The following CTXND1 variants were observed in gnomAD, a reference collection of about 807,000 sequenced individuals.
CTXND1 encodes cortexin domain-containing 1 protein.
chr15:80,247,288 G>C (rs1428561715), intron 1 of CTXND1, among the ~76,000 whole-genome samples: 1 of 152,126 alleles, frequency 6.6e-6, no homozygotes, highest in African/African-American at 2.4e-5. Context: ...ACGTGTAGGA[G>C]CTTCCTCAAA....
intron 1 of CTXND1, among the ~76,000 whole-genome samples, chr15:80,239,788 G>A (rs183120193): frequency 3.3e-3 from 495 of 152,192 alleles, no homozygotes; most frequent in Middle Eastern, 0.01. Flanking sequence ...AGCATTCAAG[G>A]ATCACCATGC....
chr15:80,219,437 AC>A (rs1455213899), intron 1 of CTXND1, among the ~76,000 whole-genome samples: 3 of 152,120 alleles, frequency 2.0e-5, no homozygotes, highest in Non-Finnish European at 4.4e-5. Flanking sequence ...TTCTTCTCCA[AC>A]TAATGGGCTT....
intron 1 of CTXND1, among the ~76,000 whole-genome samples, chr15:80,204,673 A>ATATATATATATATATATATATATATATAT (rs1893129743): frequency 8.0e-6 from 1 of 125,128 alleles, no homozygotes; most frequent in African/African-American, 3.7e-5. Context: ...ATATATATAT[A>ATATATATATATATATATATATATATATAT]CCACATTTTG....
At chr15:80,233,816 C>A (rs1334083808) in intron 1 of CTXND1, among the ~76,000 whole-genome samples, 1 of 152,186 alleles carries the variant, frequency 6.6e-6, no homozygotes, top group Non-Finnish European at 1.5e-5. Context: ...AGTGGCTGTG[C>A]GCATCTGAAT....
chr15:80,248,706 C>T (rs374963741), intron 1 of CTXND1, among the ~76,000 whole-genome samples: 5 of 152,218 alleles, frequency 3.3e-5, no homozygotes, highest in East Asian at 3.9e-4. Flanking sequence ...CCAGGGTAGC[C>T]GGAGGGAACT....
intron 1 of CTXND1, among the ~76,000 whole-genome samples, chr15:80,204,647 GTATATATATATA>G (rs35359063): frequency 4.0e-4 from 52 of 131,342 alleles, no homozygotes; most frequent in Non-Finnish European, 6.0e-4. Context: ...ATATTCCATT[GTATATATATATA>G]TATATATATA....
rs1453013148 is a variant in CTXND1 at position 80,199,620 on chromosome 15, G to GC, written c.*2149dup. On this transcript the variant is annotated 3_prime_UTR_variant, in exon 3 of 3. Transcript: ENST00000560778. ...CTTTAGATCCTCCCCATCATACAGG[G>GC]CCTTCCCTGCATCTTGGTTCACTGC... 1 of 152,332 alleles carries GC rather than the reference G, an allele frequency of 6.6e-6. No individual in the cohort carries two copies. The highest frequency in any genetic ancestry group is 1.5e-5 in the Non-Finnish European group (1 of 68,156). 9.4% of individuals were successfully genotyped at this position (152,332 alleles called of 1,614,324 possible). A position where few individuals can be genotyped will look rare whatever the true frequency, so the allele number is the denominator to read the frequency against.
At chr15:80,204,669 ATAT>A (rs1567127825) in intron 1 of CTXND1, among the ~76,000 whole-genome samples, 2 of 135,666 alleles carry the variant, frequency 1.5e-5, no homozygotes, top group Non-Finnish European at 3.1e-5. Context: ...ATATATATAT[ATAT>A]ACCACATTTT....
intron 1 of CTXND1, among the ~76,000 whole-genome samples, chr15:80,248,591 A>C (rs1893660385): frequency 6.6e-6 from 1 of 152,190 alleles, no homozygotes; most frequent in Non-Finnish European, 1.5e-5. Flanking sequence ...GAATATCATA[A>C]TTGATTAGCA....
chr15:80,241,871 C>T (rs927952218), intron 1 of CTXND1, among the ~76,000 whole-genome samples: 2 of 152,222 alleles, frequency 1.3e-5, no homozygotes, highest in Non-Finnish European at 2.9e-5. Flanking sequence ...CTTCCCATCC[C>T]ACCCATAGAA....
At chr15:80,204,874 G>T (rs1025690313) in intron 1 of CTXND1, among the ~76,000 whole-genome samples, 3 of 151,984 alleles carry the variant, frequency 2.0e-5, no homozygotes, top group African/African-American at 7.3e-5. Flanking sequence ...GGATTAAATT[G>T]AACATTTTGC....
chr15:80,202,113 TGCACCGAGA>T, intron 2 of CTXND1, 99 bp from the exon 3 acceptor site: 1 of 395,076 alleles, frequency 2.5e-6, no homozygotes, highest in Non-Finnish European at 4.5e-6. Flanking sequence ...CTGCTACCCC[TGCACCGAGA>T]GCTTGCTGCT....
At chr15:80,235,951 G>A (rs1253406747) in intron 1 of CTXND1, among the ~76,000 whole-genome samples, 1 of 149,212 alleles carries the variant, frequency 6.7e-6, no homozygotes, top group Admixed American at 6.8e-5. Flanking sequence ...CGGGTTCCTA[G>A]TCAGCACTAC....
chr15:80,237,447 T>C (rs1050232365), intron 1 of CTXND1, among the ~76,000 whole-genome samples: 1 of 152,052 alleles, frequency 6.6e-6, no homozygotes, highest in African/African-American at 2.4e-5. Flanking sequence ...TCTTAGGAGA[T>C]GGCAGCTCCA....
chr15:80,230,108 C>A (rs1463914344), intron 1 of CTXND1, among the ~76,000 whole-genome samples: 1 of 152,124 alleles, frequency 6.6e-6, no homozygotes, highest in Non-Finnish European at 1.5e-5. Context: ...TAGACATTCC[C>A]CAAATTAATT....
chr15:80,199,034 A>G lies in CTXND1; in HGVS notation c.*2736T>C, dbSNP rs1841890017. 6.6e-6 allele frequency: 1 copy of G among 152,218 alleles called. No homozygotes were observed. 9.4% of individuals were successfully genotyped at this position (152,218 alleles called of 1,614,324 possible). On this transcript the variant is annotated 3_prime_UTR_variant, in exon 3 of 3. Transcript: ENST00000560778. ...GAAGGGAATATATGGACACAAAATG[A>G]AAATTGCTGTTTTTTGGAGGCTTGG... is the stretch of plus-strand genomic sequence containing the variant.
chr15:80,249,222 A>C (rs1893667121), intron 1 of CTXND1, among the ~76,000 whole-genome samples: 1 of 152,142 alleles, frequency 6.6e-6, no homozygotes, highest in African/African-American at 2.4e-5. Context: ...GAAAGTGCTG[A>C]GCCACTGTGC....
rs147571034 is a variant in CTXND1 at position 80,243,786 on chromosome 15, G to A, written c.-218+8221C>T. Among the ~76,000 whole-genome samples the A allele has an allele frequency of 2.5e-3, 388 of 152,266 alleles. 1 individual carries two copies. Among genetic ancestry groups the A allele is most frequent in the African/African-American group, 8.9e-3 (368 of 41,556 alleles). ...CACAGTGAGATGAGTCCCTTCAGTC[G>A]TTGAGTCTCTGTACCCTTCTCATGA... On this transcript the variant is annotated intron_variant, in intron 1 of 2. Coordinates refer to ENST00000560778, the MANE Select transcript of CTXND1 (RefSeq NM_001352888.2).
At chr15:80,212,839 A>T (rs1307457342) in intron 1 of CTXND1, among the ~76,000 whole-genome samples, 1 of 152,240 alleles carries the variant, frequency 6.6e-6, no homozygotes, top group East Asian at 1.9e-4. Context: ...ACATACTGAT[A>T]AAACTAACCA....
Sources: gnomAD v4.1 joint callset for allele counts (sites outside exome capture counted in the v4.1 genomes callset) on GRCh38, gnomAD v4.1.1 for gene constraint, MANE v1.5 for transcripts, NCBI Gene and HGNC (gene_info 2026-07-23, HGNC 2026-07-21) for gene names.